The following DGKI variants were observed in gnomAD, a reference collection of about 807,000 sequenced individuals.
DGKI encodes the protein diacylglycerol kinase iota, also known as DAG kinase iota.
A neutral mutation model predicts 147.5 loss-of-function variants in DGKI; 55 were observed. The ratio of observed to expected loss-of-function variants is 0.37; its 90% CI spans 0.30 to 0.47. The LOEUF (loss-of-function observed/expected upper bound fraction) is 0.47, where lower values mean the gene tolerates loss of function less well. Ranked by LOEUF, DGKI falls within the 20% of genes least tolerant of loss-of-function variation. DGKI has a pLI of 1.00. For synonymous variants in DGKI, 469 were observed against 477.1 expected (o/e 0.98, Z 0.22); for missense variants, 1,007 against 1,323.8 (o/e 0.76, Z 3.71).
intron 31 of DGKI, among the ~76,000 whole-genome samples, chr7:137,396,623 G>A (rs183395652): frequency 9.2e-5 from 14 of 152,090 alleles, no homozygotes; most frequent in African/African-American, 1.7e-4. Flanking sequence ...GCTTCTCTTC[G>A]TCCTCCATTC....
At chr7:137,462,514 T>C (rs1205451201) in intron 27 of DGKI, among the ~76,000 whole-genome samples, 1 of 152,210 alleles carries the variant, frequency 6.6e-6, no homozygotes, top group Non-Finnish European at 1.5e-5. Flanking sequence ...GCCAATGAAA[T>C]AATTAGCTCC....
chr7:137,709,891 G>A (rs1383951991), intron 1 of DGKI, among the ~76,000 whole-genome samples: 1 of 151,326 alleles, frequency 6.6e-6, no homozygotes, highest in Non-Finnish European at 1.5e-5. Flanking sequence ...ACTTTAAAAA[G>A]AACAAAAATA....
chr7:137,817,484 A>G (rs373280849), intron 1 of DGKI, among the ~76,000 whole-genome samples: 9 of 152,344 alleles, frequency 5.9e-5, no homozygotes, highest in African/African-American at 2.2e-4. Context: ...TGTTTATTTG[A>G]GTTCAGAATG....
rs114607604 is a variant in DGKI, at chr7:137,520,444, C to T, written c.2248+1422G>A. On this transcript the variant is annotated intron_variant, in intron 21 of 32. Coordinates refer to ENST00000614521, the MANE Select transcript of DGKI (RefSeq NM_001321708.2). ...CTTTATGGATCAAACAGATTATATGCTAGTCTGTCGCTTATAAGTTCACTT... is the reference window on the plus strand; with the variant it reads ...CTTTATGGATCAAACAGATTATATGTTAGTCTGTCGCTTATAAGTTCACTT... Among the ~76,000 whole-genome samples the T allele has an allele frequency of 1.0e-2, 1,516 of 152,120 alleles. 25 individuals carry two copies. Among genetic ancestry groups the T allele is most frequent in the African/African-American group, 0.035 (1,438 of 41,528 alleles).
At chr7:137,819,667 T>C (rs1454748124) in intron 1 of DGKI, among the ~76,000 whole-genome samples, 1 of 152,076 alleles carries the variant, frequency 6.6e-6, no homozygotes, top group Non-Finnish European at 1.5e-5. Flanking sequence ...AGCAAATATT[T>C]GATCATGGTT....
At chr7:137,641,202 A>G (rs1821612372) in intron 6 of DGKI, among the ~76,000 whole-genome samples, 1 of 152,134 alleles carries the variant, frequency 6.6e-6, no homozygotes, top group Non-Finnish European at 1.5e-5. Context: ...CTTGCCTTCC[A>G]CCATGATTGT....
At chr7:137,823,287 T>G (rs1214897534) in intron 1 of DGKI, among the ~76,000 whole-genome samples, 1 of 152,228 alleles carries the variant, frequency 6.6e-6, no homozygotes, top group Non-Finnish European at 1.5e-5. Context: ...GCTGTGACTC[T>G]GTAAGCACAG....
intron 1 of DGKI, among the ~76,000 whole-genome samples, chr7:137,785,035 G>C (rs1194082075): frequency 6.6e-6 from 1 of 151,844 alleles, no homozygotes; most frequent in Admixed American, 6.6e-5. Flanking sequence ...AGCACAAATA[G>C]ACGATCTAAG....
chr7:137,668,764 C>T (rs1220725973), intron 3 of DGKI, among the ~76,000 whole-genome samples: 8 of 152,182 alleles, frequency 5.3e-5, no homozygotes, highest in African/African-American at 1.9e-4. Context: ...GAGAGCCTGA[C>T]TGTCAGCTAG....
chr7:137,522,216 A>G (rs1248138628), intron 20 of DGKI, among the ~76,000 whole-genome samples: 1 of 152,092 alleles, frequency 6.6e-6, no homozygotes, highest in Non-Finnish European at 1.5e-5. Context: ...CCACTTTTAT[A>G]TCGTATTTTC....
Position 137,753,052 on chromosome 7 carries a change from ACACACACACACACG to A in DGKI, c.402-63064_402-63051del, listed in dbSNP as rs1795558117. On this transcript the variant is annotated intron_variant, in intron 1 of 32. Coordinates refer to ENST00000614521, the MANE Select transcript of DGKI (RefSeq NM_001321708.2). ...AGTACATACGAATGTACATACACAC[ACACACACACACACG>A]CACACCCACAATACCCACTTGGAAG... Among the ~76,000 whole-genome samples the A allele has an allele frequency of 3.3e-5, 5 of 151,896 alleles. No individual in the cohort carries two copies. In the South Asian group the frequency reaches 1.0e-3, roughly 32 times the overall value.
At chr7:137,787,928 T>C (rs1052720338) in intron 1 of DGKI, among the ~76,000 whole-genome samples, 1 of 151,928 alleles carries the variant, frequency 6.6e-6, no homozygotes, top group Non-Finnish European at 1.5e-5. Context: ...AGACTACACA[T>C]TGGGTACAGT....
At chr7:137,529,049 T>A (rs753688594) in intron 20 of DGKI, among the ~76,000 whole-genome samples, 1 of 152,182 alleles carries the variant, frequency 6.6e-6, no homozygotes, top group Non-Finnish European at 1.5e-5. Context: ...AAACAGACTA[T>A]AAGCATCAAA....
At chr7:137,806,284 A>G (rs1013143581) in intron 1 of DGKI, among the ~76,000 whole-genome samples, 16 of 152,232 alleles carry the variant, frequency 1.1e-4, no homozygotes, top group Non-Finnish European at 1.6e-4. Flanking sequence ...CAAATGAAGA[A>G]ACTGAGAGAG....
chr7:137,497,944 C>T (rs1262951300), intron 21 of DGKI, among the ~76,000 whole-genome samples: 1 of 151,936 alleles, frequency 6.6e-6, no homozygotes, highest in East Asian at 1.9e-4. Context: ...GCACATATAC[C>T]CCTGAATCTA....
At chr7:137,629,451 C>T (rs2129001107) in intron 6 of DGKI, among the ~76,000 whole-genome samples, 1 of 152,314 alleles carries the variant, frequency 6.6e-6, no homozygotes, top group African/African-American at 2.4e-5. Context: ...AGACCTCAAA[C>T]TGGTTGTGGT....
chr7:137,538,737 T>C (rs1161370738), intron 20 of DGKI, among the ~76,000 whole-genome samples: 3 of 152,180 alleles, frequency 2.0e-5, no homozygotes, highest in African/African-American at 7.2e-5. Context: ...GCACACAGCA[T>C]TATTTCTTCC....
chr7:137,678,461 C>T (rs1368482197), intron 3 of DGKI, 96 bp downstream of exon 3: 6 of 1,165,348 alleles, frequency 5.1e-6, no homozygotes, highest in African/African-American at 1.5e-5. Context: ...CAAGGACAGG[C>T]TCGTTCAAAC....
chr7:137,778,470 C>T (rs1187308158), intron 1 of DGKI, among the ~76,000 whole-genome samples: 1 of 151,992 alleles, frequency 6.6e-6, no homozygotes, highest in East Asian at 1.9e-4. Flanking sequence ...ACTTAGGGGA[C>T]AATGGGCAGG....
Sources: allele counts gnomAD v4.1 joint callset (sites outside exome capture counted in the v4.1 genomes callset), GRCh38; gene constraint gnomAD v4.1.1; transcripts MANE v1.5; gene names NCBI Gene and HGNC (gene_info 2026-07-23, HGNC 2026-07-21).